Variants in HTR4 observed in about 807,000 individuals in gnomAD.
HTR4 encodes the protein 5-hydroxytryptamine (serotonin) receptor 4, G protein-coupled.
A neutral mutation model predicts 36.8 loss-of-function variants in HTR4; 16 were observed. The observed-to-expected ratio is 0.43, with a 90% CI of 0.29 to 0.66. The LOEUF (loss-of-function observed/expected upper bound fraction) is 0.66. Among genes scored for constraint, HTR4 ranks in the 30% least tolerant of loss-of-function variants. The pLI is 0.13. For missense variants in HTR4, 438 were observed against 490.9 expected, an observed-to-expected ratio of 0.89 and a Z score of 1.02; for synonymous variants, 189 against 185.1, an observed-to-expected ratio of 1.02 and a Z score of -0.17.
rs763112819 is a variant in HTR4 at position 148,509,616 on chromosome 5, C to T, written c.916G>A (p.Gly306Arg). 3.1e-6 allele frequency: 5 copies of T among 1,613,884 alleles called. No homozygotes were observed. Among genetic ancestry groups the T allele is most frequent in the Admixed American group, 1.7e-5 (1 of 59,968 alleles). The part of the protein sequence containing the change: ...AFLWLGYINS[G>R]LNPFLYAFLN... ...AAGGCGTAGAGAAAAGGGTTCAACCCGGAATTGATATAGCCGAGCCAGAGG... is the reference window on the plus strand; with the variant it reads ...AAGGCGTAGAGAAAAGGGTTCAACCTGGAATTGATATAGCCGAGCCAGAGG... The change falls in exon 6 of 7, where the codon GGG (glycine) becomes AGG (arginine). Residue 306 changes from glycine to arginine, a missense_variant. Coordinates refer to ENST00000377888, the MANE Select transcript of HTR4 (RefSeq NM_000870.7).
At chr5:148,491,174 C>T (rs1756411681) in intron 6 of HTR4, among the ~76,000 whole-genome samples, 1 of 152,108 alleles carries the variant, frequency 6.6e-6, no homozygotes, top group Admixed American at 6.6e-5. Flanking sequence ...TCTGTGTCCT[C>T]GCCAAGTACA....
At chr5:148,546,433 C>T (rs1401201898) in intron 4 of HTR4, among the ~76,000 whole-genome samples, 2 of 152,300 alleles carry the variant, frequency 1.3e-5, no homozygotes, top group Non-Finnish European at 2.9e-5. Context: ...ACCCAAATCT[C>T]TTCAATTCTA....
chr5:148,586,699 G>T (rs1408276140), intron 2 of HTR4, among the ~76,000 whole-genome samples: 1 of 152,176 alleles, frequency 6.6e-6, no homozygotes, highest in Non-Finnish European at 1.5e-5. Flanking sequence ...GGAAAGTGAA[G>T]TTGAGTACTT....
intron 2 of HTR4, among the ~76,000 whole-genome samples, chr5:148,601,121 T>C (rs924749808): frequency 6.7e-6 from 1 of 150,060 alleles, no homozygotes; most frequent in Non-Finnish European, 1.5e-5. Context: ...ATCAGGAACA[T>C]GCAAATCAAA....
chr5:148,585,989 G>A (rs998459712), intron 2 of HTR4, among the ~76,000 whole-genome samples: 6 of 152,094 alleles, frequency 3.9e-5, no homozygotes, highest in African/African-American at 1.4e-4. Flanking sequence ...CACCATTTCA[G>A]CCTCAGCTTG....
rs200849583 is a variant in HTR4, at chr5:148,550,208, C to G, written c.81G>C (p.Ser27=). ...CCAAGATGGCCATCAGGATAACCGT[C>G]GAGAGAAACGTGAGCAGCACCACCT... ...VEKVVLLTFL[S]TVILMAILGN... is the part of the protein sequence containing the mutation. Residue 27 remains serine, a synonymous_variant, in exon 3 of 7, where the codon TCG becomes TCC. Coordinates refer to ENST00000377888, the MANE Select transcript of HTR4 (RefSeq NM_000870.7). 1 of 1,614,076 alleles carries G rather than the reference C, an allele frequency of 6.2e-7. No homozygotes were observed. Among genetic ancestry groups the G allele is most frequent in the Non-Finnish European group, 8.5e-7 (1 of 1,180,000 alleles).
intron 2 of HTR4, among the ~76,000 whole-genome samples, chr5:148,601,109 T>C (rs1217359764): frequency 1.4e-5 from 2 of 147,976 alleles, no homozygotes; most frequent in African/African-American, 5.0e-5. Context: ...GCATCAGTAA[T>C]CATCAGGAAC....
chr5:148,579,501 A>T (rs1037746882), intron 2 of HTR4, among the ~76,000 whole-genome samples: 11 of 152,076 alleles, frequency 7.2e-5, no homozygotes, highest in Non-Finnish European at 1.6e-4. Flanking sequence ...TTTTCTATAG[A>T]TAGATAACAA....
At chr5:148,638,812 T>C (rs1198222087) in intron 1 of HTR4, among the ~76,000 whole-genome samples, 1 of 152,086 alleles carries the variant, frequency 6.6e-6, no homozygotes, top group Non-Finnish European at 1.5e-5. Flanking sequence ...CCCAACACTT[T>C]GGGGGGCCTA....
chr5:148,576,947 C>T (rs1356674240), intron 2 of HTR4, among the ~76,000 whole-genome samples: 1 of 151,986 alleles, frequency 6.6e-6, no homozygotes, highest in African/African-American at 2.4e-5. Flanking sequence ...GCAAACACAA[C>T]AAAAGCAAAA....
chr5:148,631,219 T>A (rs115943276), intron 2 of HTR4, among the ~76,000 whole-genome samples: 1 of 152,182 alleles, frequency 6.6e-6, no homozygotes, highest in Non-Finnish European at 1.5e-5. Context: ...CTAATCAAAG[T>A]ACTAACTGAA....
rs74862266 is a variant in HTR4, at chr5:148,525,237, C to T, written c.354-1891G>A. The stretch of plus-strand genomic sequence containing the variant: ...AGAAAGACAAATTATATCTGAGTAG[C>T]AAATTTTTCTGAATGGTGATATTCA... On this transcript the variant is annotated intron_variant, in intron 4 of 6. Transcript: ENST00000377888. Among the ~76,000 whole-genome samples, 1,392 of 152,214 alleles carry T rather than the reference C, an allele frequency of 9.1e-3. 11 individuals carry two copies. The highest frequency in any genetic ancestry group is 0.013 in the Non-Finnish European group (899 of 67,998).
intron 6 of HTR4, among the ~76,000 whole-genome samples, chr5:148,488,572 C>T (rs1364779594): frequency 2.0e-5 from 3 of 152,070 alleles, no homozygotes; most frequent in South Asian, 2.1e-4. Flanking sequence ...TAAATAATAG[C>T]ATGGCATGGG....
intron 2 of HTR4, among the ~76,000 whole-genome samples, chr5:148,557,752 T>C (rs1489641141): frequency 6.7e-6 from 1 of 148,368 alleles, no homozygotes; most frequent in East Asian, 1.9e-4. Flanking sequence ...TATATGTATG[T>C]ATAATACATA....
chr5:148,556,960 A>C (rs1759975451), intron 2 of HTR4, among the ~76,000 whole-genome samples: 4 of 152,212 alleles, frequency 2.6e-5, no homozygotes, highest in Non-Finnish European at 5.9e-5. Context: ...ATTGCATTCA[A>C]AGGGAAGAGC....
intron 5 of HTR4, among the ~76,000 whole-genome samples, chr5:148,470,609 T>C (rs1007573653): frequency 6.6e-5 from 10 of 152,244 alleles, no homozygotes; most frequent in Admixed American, 5.2e-4. Context: ...AAAACATTTT[T>C]AGCTCAAGGA....
intron 2 of HTR4, among the ~76,000 whole-genome samples, chr5:148,579,558 A>G (rs1030906139): frequency 2.0e-5 from 3 of 151,900 alleles, no homozygotes; most frequent in Non-Finnish European, 4.4e-5. Context: ...TCATTATCTC[A>G]CAGTCTGGGC....
chr5:148,453,276 A>G (rs1755016538), intron 5 of HTR4, among the ~76,000 whole-genome samples: 1 of 152,204 alleles, frequency 6.6e-6, no homozygotes, highest in South Asian at 2.1e-4. Context: ...ATTTCTGCTC[A>G]GTAGGGTCCC....
intron 2 of HTR4, among the ~76,000 whole-genome samples, chr5:148,624,573 T>A (rs1753027025): frequency 6.6e-6 from 1 of 152,176 alleles, no homozygotes; most frequent in Admixed American, 6.5e-5. Context: ...GTCCCTGTCA[T>A]TAGCAATCAC....
Sources: allele counts gnomAD v4.1 joint callset (sites outside exome capture counted in the v4.1 genomes callset), GRCh38; gene constraint gnomAD v4.1.1; transcripts MANE v1.5; gene names NCBI Gene and HGNC (gene_info 2026-07-23, HGNC 2026-07-21).